Variants in ERMP1 observed in about 807,000 individuals in gnomAD.
The protein encoded by ERMP1 is endoplasmic reticulum metallopeptidase 1, also known as Felix-ina.
In ERMP1, 86 loss-of-function variants were observed where a neutral mutation model predicts 92.0. The ratio of observed to expected loss-of-function variants is 0.93; its 90% CI spans 0.79 to 1.12. ERMP1 has a LOEUF of 1.12. Among genes scored for constraint, ERMP1 ranks in the 50% most tolerant of loss-of-function variants. ERMP1 has a pLI of 0.00. For missense variants in ERMP1, 1,342 were observed against 1,116.3 expected, an observed-to-expected ratio of 1.20 and a Z score of -2.88; for synonymous variants, 530 against 412.8, an observed-to-expected ratio of 1.28 and a Z score of -3.44.
At chr9:5,821,833 A>C (rs1184581972) in intron 4 of ERMP1, among the ~76,000 whole-genome samples, 2 of 152,228 alleles carry the variant, frequency 1.3e-5, no homozygotes, top group African/African-American at 4.8e-5. Context: ...GCTTACATGG[A>C]GCCCTGACAT....
At chr9:5,847,755 CGT>C (rs1563781083) in intron 6 of ERMP1, among the ~76,000 whole-genome samples, 20 of 151,242 alleles carry the variant, frequency 1.3e-4, no homozygotes, top group Non-Finnish European at 2.5e-4. Flanking sequence ...ATTAGCCGGG[CGT>C]GGTGGCAGGC....
At chr9:5,828,611 T>C (rs1353326061) in intron 2 of ERMP1, among the ~76,000 whole-genome samples, 2 of 152,250 alleles carry the variant, frequency 1.3e-5, no homozygotes, top group African/African-American at 2.4e-5. Flanking sequence ...TGGTTGAAGA[T>C]GCTACATAAG....
intron 6 of ERMP1, among the ~76,000 whole-genome samples, chr9:5,838,684 G>C (rs1830122223): frequency 6.6e-6 from 1 of 151,794 alleles, no homozygotes; most frequent in East Asian, 1.9e-4. Context: ...ATAAAAATAA[G>C]AGTTAAATAA....
intron 6 of ERMP1, among the ~76,000 whole-genome samples, chr9:5,843,812 C>A (rs1306702963): frequency 6.6e-6 from 1 of 152,174 alleles, no homozygotes; most frequent in Non-Finnish European, 1.5e-5. Flanking sequence ...GTTGCACACA[C>A]CGGGGTTGTA....
chr9:5,830,686 G>C, intron 2 of ERMP1, 41 bp downstream of exon 2: 1 of 1,515,734 alleles, frequency 6.6e-7, no homozygotes, highest in Non-Finnish European at 9.0e-7. Flanking sequence ...AAACTTTCTG[G>C]GCTGTGACAA....
upstream of ERMP1, among the ~76,000 whole-genome samples, chr9:5,837,709 TA>T (rs1276215788): frequency 6.6e-6 from 1 of 152,174 alleles, no homozygotes; most frequent in Non-Finnish European, 1.5e-5. Context: ...CAAAAATCGG[TA>T]AGAAAAATAT....
At chr9:5,827,283 A>G (rs1399226944) in intron 2 of ERMP1, among the ~76,000 whole-genome samples, 1 of 152,220 alleles carries the variant, frequency 6.6e-6, no homozygotes, top group African/African-American at 2.4e-5. Context: ...TTTGGCTTCC[A>G]TGGGCCACAT....
chr9:5,810,024 C>A lies in ERMP1; in HGVS notation c.1535G>T (p.Arg512Ile), dbSNP rs374389047. The A allele has an allele frequency of 7.5e-6, 12 of 1,605,098 alleles. No individual in the cohort carries two copies. The highest frequency in any genetic ancestry group is 2.7e-5 in the African/African-American group (2 of 74,730). Residue 512 changes from arginine to isoleucine, a missense_variant, in exon 8 of 15, where the codon AGA (arginine) becomes ATA (isoleucine). Physicochemically the swap from Arg to Ile is moderately conservative, Grantham distance 97 (BLOSUM62 -3). Coordinates refer to ENST00000339450, the MANE Select transcript of ERMP1 (RefSeq NM_024896.3). ...CCAAACACTTACCATGTAATAAAAT[C>A]TTTTCGCAAGAGTATGTATAAGTAT... ...KIILIHTLAK[R>I]FYYMNASAQY...
Position 5,786,986 on chromosome 9 carries a change from T to C in ERMP1, c.*158A>G. 1 of 696,008 alleles carries C rather than the reference T, an allele frequency of 1.4e-6. No homozygotes were observed. The allele number at this position is 696,008 out of a possible 1,614,324, so 43.1% of individuals were successfully genotyped here. On this transcript the variant is annotated 3_prime_UTR_variant, in exon 15 of 15. Coordinates refer to ENST00000339450, the MANE Select transcript of ERMP1 (RefSeq NM_024896.3). ...CATCACTGCGCCACAGCTAAACCCT[T>C]ATAGTGCTTGGCCCTGAAAAGCGTT...
chr9:5,823,010 C>T (rs960743517), intron 4 of ERMP1, among the ~76,000 whole-genome samples: 5 of 152,144 alleles, frequency 3.3e-5, no homozygotes, highest in African/African-American at 1.2e-4. Context: ...CTGGGCCAGG[C>T]ATGGTGGTTC....
chr9:5,813,364 T>G (rs1449915240), intron 4 of ERMP1, among the ~76,000 whole-genome samples: 1 of 152,232 alleles, frequency 6.6e-6, no homozygotes, highest in Admixed American at 6.5e-5. Context: ...TAGAATTGTG[T>G]GTATATAGCT....
chr9:5,834,366 C>CA (rs745864897), upstream of ERMP1, among the ~76,000 whole-genome samples: 1 of 151,934 alleles, frequency 6.6e-6, no homozygotes, highest in Non-Finnish European at 1.5e-5. Context: ...CTCACAGCAC[C>CA]ATGTTTGCAT....
At chr9:5,863,459 G>A (rs1159683126) in intron 5 of ERMP1, among the ~76,000 whole-genome samples, 1 of 152,130 alleles carries the variant, frequency 6.6e-6, no homozygotes, top group Non-Finnish European at 1.5e-5. Context: ...AAATGAAAAT[G>A]ATAAGAACCA....
intron 6 of ERMP1, among the ~76,000 whole-genome samples, chr9:5,811,529 A>T (rs945852072): frequency 2.0e-5 from 3 of 152,146 alleles, no homozygotes; most frequent in Non-Finnish European, 4.4e-5. Flanking sequence ...AATTTCTCAA[A>T]TAAGGTCCAT....
rs772536893 is a variant in ERMP1 at position 5,787,142 on chromosome 9, G to C, written c.*2C>G. 1.1e-5 allele frequency: 17 copies of C among 1,611,814 alleles called. No homozygotes were observed. The highest frequency in any genetic ancestry group is 1.4e-5 in the Non-Finnish European group (17 of 1,178,788). On this transcript the variant is annotated 3_prime_UTR_variant, in exon 15 of 15. Transcript: ENST00000339450. ...GCATGTACTTAGAGCTCATCCACAA[G>C]ATTAAAATACAAAGAGATCGTAGGT...
upstream of ERMP1, among the ~76,000 whole-genome samples, chr9:5,835,260 T>G (rs373761773): frequency 1.3e-5 from 2 of 152,168 alleles, no homozygotes; most frequent in African/African-American, 4.8e-5. Context: ...TATCTACTTG[T>G]GTCAGATACT....
chr9:5,850,718 A>G (rs1356728749), intron 6 of ERMP1, among the ~76,000 whole-genome samples: 2 of 152,204 alleles, frequency 1.3e-5, no homozygotes, highest in Non-Finnish European at 1.5e-5. Context: ...AGGCAATTGT[A>G]TAATTTTGGA....
chr9:5,835,355 C>T (rs1368434865), upstream of ERMP1, among the ~76,000 whole-genome samples: 3 of 150,360 alleles, frequency 2.0e-5, no homozygotes, highest in Non-Finnish European at 3.0e-5. Context: ...AATGAACGCG[C>T]GCGCGCATGT....
chr9:5,804,861 T>C (rs1828810703), intron 10 of ERMP1, among the ~76,000 whole-genome samples, 166 bp downstream of exon 10: 1 of 151,438 alleles, frequency 6.6e-6, no homozygotes, highest in African/African-American at 2.4e-5. Flanking sequence ...TACTACAGTT[T>C]CTTACGATAC....
Sources: gnomAD v4.1 joint callset for allele counts (sites outside exome capture counted in the v4.1 genomes callset) on GRCh38, gnomAD v4.1.1 for gene constraint, MANE v1.5 for transcripts, NCBI Gene and HGNC (gene_info 2026-07-23, HGNC 2026-07-21) for gene names.